Variants in MMEL1 observed in about 807,000 individuals in gnomAD.
MMEL1 encodes the protein membrane metallo-endopeptidase-like 1.
Under a neutral mutation model 117.1 loss-of-function variants are expected in MMEL1, and 98 were observed. The observed-to-expected ratio is 0.84, with a 90% CI of 0.71 to 0.99. The LOEUF (loss-of-function observed/expected upper bound fraction) is 0.99. Among genes scored for constraint, MMEL1 ranks in the 50% least tolerant of loss-of-function variants. MMEL1 has a pLI of 0.00. For missense variants in MMEL1, 1,014 were observed against 1,049.1 expected, an observed-to-expected ratio of 0.97 and a Z score of 0.46; for synonymous variants, 390 against 415.1, an observed-to-expected ratio of 0.94 and a Z score of 0.74.
intron 10 of MMEL1, 27 bp downstream of exon 10, chr1:2,604,120 G>GCGGCCCCCC: frequency 3.0e-6 from 4 of 1,330,070 alleles, no homozygotes; most frequent in Non-Finnish European, 4.3e-6. Flanking sequence ...CTCGCTGCCC[G>GCGGCCCCCC]CTCCCCACCC....
chr1:2,625,604 C>G (rs1458420259), intron 2 of MMEL1, among the ~76,000 whole-genome samples: 1 of 152,206 alleles, frequency 6.6e-6, no homozygotes, highest in East Asian at 1.9e-4. Context: ...TAACTGCTCT[C>G]CTTTTGAGAC....
In MMEL1 at chr1:2,629,501, G is replaced by A. The variant is rs373607271; in HGVS notation, c.-17C>T. 16 of 1,463,808 alleles carry A rather than the reference G, an allele frequency of 1.1e-5. No individual in the cohort carries two copies. In the Admixed American group the frequency reaches 2.5e-4, roughly 23 times the overall value. 90.7% of individuals were successfully genotyped at this position (1,463,808 alleles called of 1,614,324 possible). A position where few individuals can be genotyped will look rare whatever the true frequency, so the allele number is the denominator to read the frequency against. ...CTTCCCCATCAGCAGGGCTCTGGAC[G>A]GGAGAGCACCGCGGAGGAACCTGCA... On this transcript the variant is annotated 5_prime_UTR_variant, in exon 2 of 24. Transcript: ENST00000378412.
At chr1:2,594,556 G>T (rs1446858040) in intron 17 of MMEL1, 113 bp from the exon 18 acceptor site, 2 of 1,306,424 alleles carry the variant, frequency 1.5e-6, no homozygotes, top group Non-Finnish European at 2.2e-6. Context: ...CAAGGGCCCA[G>T]GCCTATCCCA....
At chr1:2,605,433 A>G in intron 9 of MMEL1, 125 bp downstream of exon 9, 1 of 814,464 alleles carries the variant, frequency 1.2e-6, no homozygotes, top group Non-Finnish European at 2.1e-6. Flanking sequence ...GCCGGGCTCA[A>G]CCTCCACAGG....
chr1:2,605,494 G>C (rs535858914), intron 9 of MMEL1, 64 bp downstream of exon 9: 1 of 1,448,758 alleles, frequency 6.9e-7, no homozygotes, highest in Non-Finnish European at 9.6e-7. Context: ...GCAACGGGAA[G>C]GCCAGACCAC....
intron 11 of MMEL1, 91 bp from the exon 12 acceptor site, chr1:2,598,881 A>C: frequency 8.9e-7 from 1 of 1,117,498 alleles, no homozygotes; most frequent in South Asian, 1.5e-5. Context: ...CTGTTGAAGA[A>C]TGTTCAAGGA....
chr1:2,592,018 T>C lies in MMEL1; in HGVS notation c.2077A>G (p.Lys693Glu). Residue 693 changes from lysine (K) to glutamate (E), a missense_variant, in exon 22 of 24, where the codon AAG (lysine) becomes GAG (glutamate). Lys to Glu is a moderately conservative substitution (Grantham distance 56). Transcript: ENST00000378412. Reference sequence around the variant, plus strand: ...TCCTTGCCACCCTCTGCCATCCACTTGAGGTAGGCCTGCAGGCACCAGACA... The same window carrying C: ...TCCTTGCCACCCTCTGCCATCCACTCGAGGTAGGCCTGCAGGCACCAGACA... ...GVRQAYKAYLKWMAEGGKDQQ... is the reference protein window; with the variant it reads ...GVRQAYKAYLEWMAEGGKDQQ... 6.2e-7 allele frequency: 1 copy of C among 1,613,024 alleles called. No individual in the cohort carries two copies. The highest frequency in any genetic ancestry group is 8.5e-7 in the Non-Finnish European group (1 of 1,179,644).
Position 2,611,329 on chromosome 1 carries a change from C to T in MMEL1, c.244G>A (p.Ala82Thr), listed in dbSNP as rs761408436. ...GTGCAGACCTCGCTCACCTCTTGGG[C>T]CTCTGGGATCCCTGCGGGCAAGGAG... ...VKRKPRGIPEAQEVSEVCTTP... is the reference protein window; with the variant it reads ...VKRKPRGIPETQEVSEVCTTP... Residue 82 changes from alanine (A) to threonine (T), a missense_variant, in exon 4 of 24, where the codon GCC becomes ACC. Coordinates refer to ENST00000378412, the MANE Select transcript of MMEL1 (RefSeq NM_033467.4). 51 of 1,545,822 alleles carry T rather than the reference C, an allele frequency of 3.3e-5. No individual in the cohort carries two copies. The highest frequency in any genetic ancestry group is 4.1e-5 in the Non-Finnish European group (47 of 1,147,006).
intron 11 of MMEL1, among the ~76,000 whole-genome samples, chr1:2,602,727 C>T (rs1454981340): frequency 6.6e-6 from 1 of 152,228 alleles, no homozygotes; most frequent in Admixed American, 6.5e-5. Flanking sequence ...TACTCCATCT[C>T]TCTCTAGCCC....
chr1:2,620,548 T>G (rs1426912030), intron 2 of MMEL1, among the ~76,000 whole-genome samples: 1 of 152,140 alleles, frequency 6.6e-6, no homozygotes, highest in Non-Finnish European at 1.5e-5. Flanking sequence ...TTTGAAGCCC[T>G]AACCCCTAAT....
intron 9 of MMEL1, among the ~76,000 whole-genome samples, chr1:2,605,048 G>C (rs1644999389): frequency 6.6e-6 from 1 of 152,110 alleles, no homozygotes; most frequent in Admixed American, 6.5e-5. Flanking sequence ...CCTCTGCCCT[G>C]GTGCTGGATG....
rs1047344027 is a variant in MMEL1, at chr1:2,623,553, T to C, written c.154+5778A>G. Among the ~76,000 whole-genome samples the C allele has an allele frequency of 9.4e-4, 143 of 152,226 alleles. 1 individual carries two copies. Among genetic ancestry groups the C allele is most frequent in the Non-Finnish European group, 8.5e-4 (58 of 68,036 alleles). ...TTGGTCAAGACCTGAGAGTAAGAGA[T>C]GTTCCAAGTGGGTCAGAAGAAATCA... On this transcript the variant is annotated intron_variant, in intron 2 of 23. Transcript: ENST00000378412.
Position 2,604,130 on chromosome 1 carries a change from C to T in MMEL1, c.951+17G>A, listed in dbSNP as rs111970722. The stretch of plus-strand genomic sequence containing the variant: ...GCCCACTCGCTGCCCGCTCCCCACC[C>T]GCCCCGGCCCCCTTACCTTGGCCAG... On this transcript the variant is annotated intron_variant, in intron 10 of 23. Transcript: ENST00000378412. 1.8e-4 allele frequency: 276 copies of T among 1,508,112 alleles called. 2 individuals carry two copies. The highest frequency in any genetic ancestry group is 2.2e-4 in the Non-Finnish European group (239 of 1,091,976). The allele number at this position is 1,508,112 out of a possible 1,614,324, so 93.4% of individuals were successfully genotyped here.
At chr1:2,611,411 C>G in intron 3 of MMEL1, 71 bp from the exon 4 acceptor site, 1 of 496,502 alleles carries the variant, frequency 2.0e-6, no homozygotes, top group Non-Finnish European at 2.5e-6. Flanking sequence ...TGGGTGTGGG[C>G]GGGGCAAGGT....
intron 21 of MMEL1, among the ~76,000 whole-genome samples, chr1:2,592,392 C>T (rs1251978256): frequency 3.1e-5 from 2 of 64,182 alleles, no homozygotes; most frequent in Non-Finnish European, 5.7e-5. Context: ...CCTCCCCTGC[C>T]GCGCTGATGC....
intron 2 of MMEL1, among the ~76,000 whole-genome samples, chr1:2,618,512 T>A (rs1645238903): frequency 6.6e-6 from 1 of 152,206 alleles, no homozygotes; most frequent in South Asian, 2.1e-4. Flanking sequence ...TCTCCATCCC[T>A]CTTTCAGAAG....
At chr1:2,615,599 A>G (rs1033404146) in intron 2 of MMEL1, among the ~76,000 whole-genome samples, 1 of 152,206 alleles carries the variant, frequency 6.6e-6, no homozygotes, top group African/African-American at 2.4e-5. Flanking sequence ...TTGAGTGTGA[A>G]CTTTAGTTAA....
chr1:2,632,274 GGA>G, intron 1 of MMEL1, among the ~76,000 whole-genome samples: 1 of 152,252 alleles, frequency 6.6e-6, no homozygotes. Context: ...CAGCCCCCTG[GGA>G]ACGTCAGCTC....
At chr1:2,615,622 C>T (rs755599428) in intron 2 of MMEL1, among the ~76,000 whole-genome samples, 18 of 152,174 alleles carry the variant, frequency 1.2e-4, no homozygotes, top group Non-Finnish European at 2.4e-4. Context: ...GTAATATTAT[C>T]ACTATTGGTT....
Sources: allele counts gnomAD v4.1 joint callset (sites outside exome capture counted in the v4.1 genomes callset), GRCh38; gene constraint gnomAD v4.1.1; transcripts MANE v1.5; gene names NCBI Gene and HGNC (gene_info 2026-07-23, HGNC 2026-07-21).